OR7E24: variants seen among roughly 807,000 people sequenced by gnomAD.
The protein encoded by OR7E24 is olfactory receptor family 7 subfamily E member 24, also known as olfactory receptor 7E24.
For synonymous variants in OR7E24, 130 were observed against 157.5 expected (o/e 0.83, Z 1.31); for missense variants, 385 against 410.3 (o/e 0.94, Z 0.53).
upstream of OR7E24, among the ~76,000 whole-genome samples, chr19:9,248,269 C>T (rs2066136016): frequency 6.6e-6 from 1 of 152,148 alleles, no homozygotes; most frequent in Non-Finnish European, 1.5e-5. Flanking sequence ...TGGATCTCAG[C>T]TCTGTGTTTT....
chr19:9,233,803 G>T, the OR7E24 span, among the ~76,000 whole-genome samples: 1 of 152,038 alleles, frequency 6.6e-6, no homozygotes, highest in Non-Finnish European at 1.5e-5. Context: ...AAACAACATG[G>T]ATCATCTCAT....
the OR7E24 span, chr19:9,213,319 G>A: frequency 2.6e-5 from 4 of 152,300 alleles, no homozygotes; most frequent in South Asian, 2.1e-4. Flanking sequence ...ATCAAAGATG[G>A]AACTTTATGG....
the OR7E24 span, among the ~76,000 whole-genome samples, chr19:9,224,837 A>G: frequency 6.6e-6 from 1 of 152,150 alleles, no homozygotes; most frequent in South Asian, 2.1e-4. Flanking sequence ...CTTCAACACC[A>G]TAGATCTAGC....
chr19:9,250,775 T>A (rs142931222), upstream of OR7E24, among the ~76,000 whole-genome samples: 838 of 152,346 alleles, frequency 5.5e-3, 5 homozygotes, highest in African/African-American at 0.018. Flanking sequence ...TATTTTTTCC[T>A]GATAAATTAG....
Position 9,252,216 on chromosome 19 carries a change from G to C in OR7E24, c.*153G>C, listed in dbSNP as rs1442427727. 1.6e-6 allele frequency: 1 copy of C among 623,788 alleles called. No individual in the cohort carries two copies. The highest frequency in any genetic ancestry group is 2.8e-6 in the Non-Finnish European group (1 of 361,482). The allele number at this position is 623,788 out of a possible 1,614,324, so 38.6% of individuals were successfully genotyped here. ...TTAATTGCAATGGGTGAGTATTCTG[G>C]TATCCTTTGTTCATCATACACATCA... On this transcript the variant is annotated 3_prime_UTR_variant, in exon 1 of 1. Coordinates refer to ENST00000456448, the MANE Select transcript of OR7E24 (RefSeq NM_001079935.2).
the OR7E24 span, among the ~76,000 whole-genome samples, chr19:9,229,513 C>T: frequency 6.5e-3 from 958 of 148,092 alleles, 12 homozygotes; most frequent in African/African-American, 0.02. Flanking sequence ...CCAGCCTGGG[C>T]GACAGAGCAA....
At chr19:9,246,020 C>T (rs188237639), upstream of OR7E24, among the ~76,000 whole-genome samples, 7 of 137,672 alleles carry the variant, frequency 5.1e-5, 1 homozygote, top group East Asian at 1.3e-3. Flanking sequence ...TTTTTCGCTT[C>T]GGCGACTTCC....
chr19:9,215,917 C>T, the OR7E24 span, among the ~76,000 whole-genome samples: 2 of 152,026 alleles, frequency 1.3e-5, no homozygotes, highest in Non-Finnish European at 2.9e-5. Context: ...CAATTTACAA[C>T]AGAAAGATGT....
the OR7E24 span, among the ~76,000 whole-genome samples, chr19:9,233,322 T>C: frequency 6.6e-6 from 1 of 152,216 alleles, no homozygotes; most frequent in Non-Finnish European, 1.5e-5. Flanking sequence ...GCCTTTTCTT[T>C]TTCTAGGATG....
At chr19:9,235,052 G>A in the OR7E24 span, 1 of 566,712 alleles carries the variant, frequency 1.8e-6, no homozygotes, top group Non-Finnish European at 3.1e-6. Context: ...CAGGATCTTT[G>A]GAAGGACTCC....
At chr19:9,219,418 T>C in the OR7E24 span, 1 of 152,196 alleles carries the variant, frequency 6.6e-6, no homozygotes, top group Admixed American at 6.5e-5. Context: ...GTACAGGGAC[T>C]TCACCTTCAT....
chr19:9,226,050 T>C, the OR7E24 span, among the ~76,000 whole-genome samples: 1 of 152,152 alleles, frequency 6.6e-6, no homozygotes, highest in African/African-American at 2.4e-5. Flanking sequence ...CACAATGACA[T>C]TGATGACCTG....
the OR7E24 span, among the ~76,000 whole-genome samples, chr19:9,229,550 GAAAGA>G: frequency 6.7e-6 from 1 of 149,860 alleles, no homozygotes; most frequent in South Asian, 2.1e-4. Flanking sequence ...AAAAAAGAAA[GAAAGA>G]AAAGAAAAAA....
chr19:9,219,893 C>T, the OR7E24 span, among the ~76,000 whole-genome samples: 1 of 152,040 alleles, frequency 6.6e-6, no homozygotes, highest in African/African-American at 2.4e-5. Flanking sequence ...AAGTTTTGCC[C>T]TAAGGAAAGA....
chr19:9,237,486 A>T, the OR7E24 span, among the ~76,000 whole-genome samples: 3 of 145,022 alleles, frequency 2.1e-5, no homozygotes, highest in Non-Finnish European at 4.6e-5. Context: ...AATTTTTTGT[A>T]TTTTTTTTTT....
chr19:9,241,230 A>G, the OR7E24 span, among the ~76,000 whole-genome samples: 2 of 152,186 alleles, frequency 1.3e-5, no homozygotes, highest in African/African-American at 4.8e-5. Flanking sequence ...TGTGCTGTGA[A>G]ACACCTTATT....
the OR7E24 span, among the ~76,000 whole-genome samples, chr19:9,218,931 G>A: frequency 6.6e-6 from 1 of 150,898 alleles, no homozygotes; most frequent in East Asian, 2.0e-4. Flanking sequence ...ACTACGTTCA[G>A]CCAAGGGATT....
At chr19:9,221,340 CTTTTTTTTTTTTT>C in the OR7E24 span, among the ~76,000 whole-genome samples, 27 of 81,202 alleles carry the variant, frequency 3.3e-4, no homozygotes, top group Non-Finnish European at 4.6e-4. Context: ...GTCTTTTGCC[CTTTTTTTTTTTTT>C]TTTTTTTTTT....
chr19:9,223,681 A>G, the OR7E24 span, among the ~76,000 whole-genome samples: 1 of 147,190 alleles, frequency 6.8e-6, no homozygotes, highest in Non-Finnish European at 1.5e-5. Context: ...TTTTTATTGT[A>G]CTCACATACC....
Sources: allele counts gnomAD v4.1 joint callset (sites outside exome capture counted in the v4.1 genomes callset), GRCh38; gene constraint gnomAD v4.1.1; transcripts MANE v1.5; gene names NCBI Gene and HGNC (gene_info 2026-07-23, HGNC 2026-07-21).